Variants in FAM135A observed in about 807,000 individuals in gnomAD.
The protein encoded by FAM135A is family with sequence similarity 135 member A.
FAM135A carries 79 observed loss-of-function variants against 146.8 expected under a neutral mutation model. The ratio of observed to expected loss-of-function variants is 0.54; its 90% CI spans 0.45 to 0.65. The LOEUF is 0.65. FAM135A is among the 30% of genes least tolerant of loss of function. FAM135A has a pLI of 0.00. For synonymous variants in FAM135A, 562 were observed against 603.6 expected (o/e 0.93, Z 1.01); for missense variants, 1,623 against 1,758.2 (o/e 0.92, Z 1.38).
At chr6:70,433,591 A>G (rs186141196) in intron 4 of FAM135A, among the ~76,000 whole-genome samples, 8 of 151,744 alleles carry the variant, frequency 5.3e-5, no homozygotes, top group Admixed American at 4.6e-4. Flanking sequence ...ATGTCATCGA[A>G]GCTTGTCCAC....
At chr6:70,466,231 C>T (rs1056750409) in intron 5 of FAM135A, among the ~76,000 whole-genome samples, 3 of 152,082 alleles carry the variant, frequency 2.0e-5, no homozygotes, top group African/African-American at 7.2e-5. Flanking sequence ...AAAATGAACA[C>T]CCAGGTACCC....
intron 20 of FAM135A, among the ~76,000 whole-genome samples, chr6:70,541,926 T>C (rs1404539285): frequency 6.6e-6 from 1 of 152,220 alleles, no homozygotes; most frequent in Non-Finnish European, 1.5e-5. Context: ...ACATTTAACC[T>C]TCTTAGTGGC....
intron 10 of FAM135A, among the ~76,000 whole-genome samples, chr6:70,489,841 C>T (rs553531291): frequency 1.1e-4 from 16 of 152,208 alleles, no homozygotes; most frequent in African/African-American, 3.4e-4. Flanking sequence ...CAAAAGACCA[C>T]TCTAGGGTGA....
intron 5 of FAM135A, among the ~76,000 whole-genome samples, chr6:70,459,331 G>A (rs1300230490): frequency 6.6e-6 from 1 of 152,174 alleles, no homozygotes; most frequent in Non-Finnish European, 1.5e-5. Flanking sequence ...GGAGCAGGTT[G>A]AGTGGGATGG....
At chr6:70,439,689 GTT>G (rs1774018161) in intron 4 of FAM135A, among the ~76,000 whole-genome samples, 1 of 151,880 alleles carries the variant, frequency 6.6e-6, no homozygotes, top group African/African-American at 2.4e-5. Flanking sequence ...ATACTCTTTT[GTT>G]TCATGTTCTG....
At chr6:70,484,896 CT>C (rs1784345290) in intron 10 of FAM135A, among the ~76,000 whole-genome samples, 1 of 152,160 alleles carries the variant, frequency 6.6e-6, no homozygotes, top group Admixed American at 6.5e-5. Flanking sequence ...AGATTTTCAA[CT>C]TTTTCTCTGG....
intron 5 of FAM135A, among the ~76,000 whole-genome samples, chr6:70,462,922 C>T (rs769553117): frequency 2.6e-5 from 4 of 152,014 alleles, no homozygotes; most frequent in Non-Finnish European, 5.9e-5. Flanking sequence ...GTGCTGTTAG[C>T]AGAACCATAT....
At chr6:70,536,900 T>C (rs539598267) in intron 19 of FAM135A, among the ~76,000 whole-genome samples, 1 of 152,024 alleles carries the variant, frequency 6.6e-6, no homozygotes, top group African/African-American at 2.4e-5. Flanking sequence ...TTGATTAGTA[T>C]TTATATTCTC....
rs572302756 is a variant in FAM135A, at chr6:70,540,348, G to A, written c.4228+1947G>A. 1.1e-4 allele frequency among the ~76,000 whole-genome samples: 13 copies of A among 116,294 alleles called. No homozygotes were observed. The South Asian group carries it at 3.5e-3, about 31-fold the overall frequency. The allele number at this position is 116,294 out of a possible 152,430, so 76.3% of individuals were successfully genotyped here. A position where few individuals can be genotyped will look rare whatever the true frequency, so the allele number is the denominator to read the frequency against. On this transcript the variant is annotated intron_variant, in intron 20 of 21. Transcript: ENST00000418814. ...TTTTTTTTTTTTTTTTTTTTGAGAC[G>A]GAGTCTCGCTCTGCCGCCCAGGCTG... is the stretch of plus-strand genomic sequence containing the variant.
intron 4 of FAM135A, among the ~76,000 whole-genome samples, chr6:70,440,665 G>T (rs1046966719): frequency 6.6e-6 from 1 of 152,138 alleles, no homozygotes; most frequent in Non-Finnish European, 1.5e-5. Flanking sequence ...TCCAACCTGG[G>T]CAATAAGAGC....
intron 5 of FAM135A, among the ~76,000 whole-genome samples, chr6:70,474,435 G>C (rs551939368): frequency 5.9e-4 from 90 of 152,158 alleles, no homozygotes; most frequent in Non-Finnish European, 9.8e-4. Flanking sequence ...CCTCACGTCA[G>C]CCATGAGTTT....
intron 12 of FAM135A, among the ~76,000 whole-genome samples, chr6:70,514,912 T>C (rs1411519804): frequency 2.0e-5 from 3 of 152,226 alleles, no homozygotes; most frequent in Non-Finnish European, 4.4e-5. Flanking sequence ...CAGAACATTC[T>C]GTCCTTAACA....
chr6:70,418,867 CAT>C (rs1257178212), intron 2 of FAM135A, among the ~76,000 whole-genome samples: 1 of 152,226 alleles, frequency 6.6e-6, no homozygotes, highest in Non-Finnish European at 1.5e-5. Context: ...GACTAATCCA[CAT>C]GTCACTGGCT....
intron 2 of FAM135A, among the ~76,000 whole-genome samples, chr6:70,418,958 G>C (rs1407956523): frequency 6.6e-6 from 1 of 152,238 alleles, no homozygotes; most frequent in Non-Finnish European, 1.5e-5. Context: ...AGCTTATGTT[G>C]ATTGGAGTTC....
chr6:70,426,305 T>C (rs992214455), intron 2 of FAM135A, 134 bp from the exon 3 acceptor site: 3 of 152,182 alleles, frequency 2.0e-5, no homozygotes, highest in African/African-American at 7.2e-5. Context: ...TAAAACTTAT[T>C]CATAAGCCTT....
rs780326510 is a variant in FAM135A at position 70,536,934 on chromosome 6, AT to A, written c.4117+543del. 9.5e-3 allele frequency among the ~76,000 whole-genome samples: 1,226 copies of A among 128,910 alleles called. 6 individuals carry two copies. The highest frequency in any genetic ancestry group is 0.022 in the African/African-American group (785 of 35,308). The allele number at this position is 128,910 out of a possible 152,430, so 84.6% of individuals were successfully genotyped here. On this transcript the variant is annotated intron_variant, in intron 19 of 21. Coordinates refer to ENST00000418814, the MANE Select transcript of FAM135A (RefSeq NM_001162529.3). The stretch of plus-strand genomic sequence containing the variant: ...TCATCAACAAATATTTGGTACTTTG[AT>A]TTTTTTTTTTTTTTTTTTTAGGACA...
intron 8 of FAM135A, among the ~76,000 whole-genome samples, chr6:70,480,007 T>TG (rs1267887660): frequency 1.3e-5 from 2 of 152,224 alleles, no homozygotes; most frequent in African/African-American, 4.8e-5. Flanking sequence ...AAATGGATTT[T>TG]GCAAGCAAAA....
rs113377840 is a variant in FAM135A, at chr6:70,544,183, A to C, written c.4228+5782A>C. Reference sequence around the variant, plus strand: ...TCATAAGCTAGGTGCGGTAGCTCACACCTGTAATCTCTCCAGTTTGGGAGG... The same window carrying C: ...TCATAAGCTAGGTGCGGTAGCTCACCCCTGTAATCTCTCCAGTTTGGGAGG... On this transcript the variant is annotated intron_variant, in intron 20 of 21. Coordinates refer to ENST00000418814, the MANE Select transcript of FAM135A (RefSeq NM_001162529.3). 1.1e-3 allele frequency among the ~76,000 whole-genome samples: 172 copies of C among 151,858 alleles called. No homozygotes were observed. The Middle Eastern group carries it at 0.028, about 25-fold the overall frequency.
rs148255568 is a variant in FAM135A at position 70,533,327 on chromosome 6, A to G, written c.3867+76A>G. The G allele has an allele frequency of 5.9e-4, 548 of 927,334 alleles. 2 individuals are homozygous for G. Among genetic ancestry groups the G allele is most frequent in the Non-Finnish European group, 8.7e-4 (524 of 600,532 alleles). The allele number at this position is 927,334 out of a possible 1,614,324, so 57.4% of individuals were successfully genotyped here. On this transcript the variant is annotated intron_variant, in intron 17 of 21. Transcript: ENST00000418814. Reference sequence around the variant, plus strand: ...CTACCTAAATTTTGCCTTACTACAAAATGCCTGTAATAGTAGAAATAATTT... The same window carrying G: ...CTACCTAAATTTTGCCTTACTACAAGATGCCTGTAATAGTAGAAATAATTT...
Sources: gnomAD v4.1 joint callset for allele counts (sites outside exome capture counted in the v4.1 genomes callset) on GRCh38, gnomAD v4.1.1 for gene constraint, MANE v1.5 for transcripts, NCBI Gene and HGNC (gene_info 2026-07-23, HGNC 2026-07-21) for gene names.